SRRM1: variants seen among roughly 807,000 people sequenced by gnomAD.
SRRM1 encodes serine and arginine repetitive matrix 1.
In SRRM1, 19 loss-of-function variants were observed where a neutral mutation model predicts 110.2. The ratio of observed to expected loss-of-function variants is 0.17; its 90% CI spans 0.12 to 0.25. The LOEUF (loss-of-function observed/expected upper bound fraction) is 0.25. Among genes scored for constraint, SRRM1 ranks in the 10% least tolerant of loss-of-function variants. SRRM1 has a pLI of 1.00. For missense variants in SRRM1, 918 were observed against 1,145.8 expected (o/e 0.80, Z 2.87); for synonymous variants, 443 against 414.9 (o/e 1.07, Z -0.82).
chr1:24,661,064 T>G (rs1666993288), intron 10 of SRRM1: 1 of 531,170 alleles, frequency 1.9e-6, no homozygotes, highest in South Asian at 3.1e-5. Context: ...TAACTGTATC[T>G]GCTTGTAAAA....
In SRRM1 at chr1:24,666,842, A is replaced by G; in HGVS notation, c.1656A>G (p.Pro552=). The G allele has an allele frequency of 4.3e-6, 7 of 1,613,232 alleles. No homozygotes were observed. Among genetic ancestry groups the G allele is most frequent in the Non-Finnish European group, 5.9e-6 (7 of 1,179,622 alleles). ...GTAGACGGAGGAGAAGTCCATCCCC[A>G]CCACCCACCAGAAGGCGACGGTCTC... is the stretch of plus-strand genomic sequence containing the variant. ...PRGRRRRSPS[P]PPTRRRRSPS... is the part of the protein sequence containing the mutation. Residue 552 remains proline, a synonymous_variant, in exon 13 of 17, where the codon CCA becomes CCG. Transcript: ENST00000323848.
Position 24,655,133 on chromosome 1 carries a change from A to G in SRRM1, c.1315+4A>G. 6.2e-7 allele frequency: 1 copy of G among 1,613,470 alleles called. No individual in the cohort carries two copies. Among genetic ancestry groups the G allele is most frequent in the Non-Finnish European group, 8.5e-7 (1 of 1,179,604 alleles). ...CCAGGGAGAACTTCAGGTAAAGGTA[A>G]AAATCAAACACATATGAAACATGGT... On this transcript the variant is annotated splice_donor_region_variant and intron_variant, in intron 9 of 16. Transcript: ENST00000323848.
Position 24,652,512 on chromosome 1 carries a change from A to AAAGGAG in SRRM1, c.814_819dup (p.Glu272_Lys273dup), listed in dbSNP as rs1343250144. 5.0e-6 allele frequency: 8 copies of AAAGGAG among 1,613,200 alleles called. No individual in the cohort carries two copies. In the Admixed American group the frequency reaches 5.0e-5, roughly 10 times the overall value. ...CTCCGGAAAAAAATTCCAAAAAAGA[A>AAAGGAG]AAGGAGAAGGAGAAGACCCGACCAC... On this transcript the variant is annotated inframe_insertion, in exon 7 of 17. Transcript: ENST00000323848.
At chr1:24,667,226 G>C (rs1042760236) in intron 13 of SRRM1, among the ~76,000 whole-genome samples, 7 of 152,202 alleles carry the variant, frequency 4.6e-5, no homozygotes, top group Admixed American at 2.0e-4. Flanking sequence ...AAACAGATTA[G>C]GGTGGGGTGG....
In SRRM1 at chr1:24,660,724, A is replaced by G. The variant is rs751376630; in HGVS notation, c.1321A>G (p.Lys441Glu). Residue 441 changes from lysine to glutamate, a missense_variant, in exon 10 of 17, where the codon AAA (lysine) becomes GAA (glutamate). Physicochemically the swap from Lys to Glu is moderately conservative, Grantham distance 56. Transcript: ENST00000323848. ...CCACTCTTATTCTTTTTTAGTGACAAAACATAAAGGTACTGAGAAAAGAGA... is the reference window on the plus strand; with the variant it reads ...CCACTCTTATTCTTTTTTAGTGACAGAACATAAAGGTACTGAGAAAAGAGA... ...SPGRTSGKVT[K>E]HKGTEKRESP... The G allele has an allele frequency of 3.2e-6, 5 of 1,553,628 alleles. No homozygotes were observed. The highest frequency in any genetic ancestry group is 2.3e-5 in the East Asian group (1 of 43,244).
chr1:24,645,673 A>T (rs1241662566), intron 1 of SRRM1, among the ~76,000 whole-genome samples: 1 of 152,356 alleles, frequency 6.6e-6, no homozygotes, highest in South Asian at 2.1e-4. Flanking sequence ...CTACGTATCT[A>T]TTAGCATAGG....
intron 4 of SRRM1, among the ~76,000 whole-genome samples, 199 bp from the exon 5 acceptor site, chr1:24,649,772 A>G (rs907276182): frequency 1.3e-5 from 2 of 152,182 alleles, no homozygotes; most frequent in African/African-American, 4.8e-5. Flanking sequence ...ACTTTCAGTG[A>G]ATATTTATTT....
intron 11 of SRRM1, among the ~76,000 whole-genome samples, chr1:24,662,354 G>C (rs914708543): frequency 2.6e-5 from 4 of 152,152 alleles, no homozygotes; most frequent in African/African-American, 9.7e-5. Context: ...AGGCACAAGC[G>C]GTCTTTCTGC....
chr1:24,646,958 G>T (rs1371765755), intron 3 of SRRM1, 169 bp downstream of exon 3: 7 of 502,262 alleles, frequency 1.4e-5, no homozygotes, highest in Non-Finnish European at 2.3e-5. Flanking sequence ...TTTAGTGAAG[G>T]TGCATAGTTT....
At chr1:24,672,115 C>T in intron 16 of SRRM1, 67 bp from the exon 17 acceptor site, 1 of 1,241,118 alleles carries the variant, frequency 8.1e-7, no homozygotes, top group Non-Finnish European at 1.1e-6. Context: ...CACTTTGATT[C>T]TGCTCTTTAC....
At chr1:24,663,887 T>C (rs1047581496) in intron 12 of SRRM1, among the ~76,000 whole-genome samples, 1 of 84,058 alleles carries the variant, frequency 1.2e-5, no homozygotes, top group African/African-American at 7.4e-5. Flanking sequence ...AAAATAATAA[T>C]AATAATAATA....
chr1:24,661,906 C>T (rs539258831), intron 11 of SRRM1, among the ~76,000 whole-genome samples: 5 of 152,004 alleles, frequency 3.3e-5, no homozygotes, highest in African/African-American at 1.2e-4. Flanking sequence ...GCCAATAGGG[C>T]GAAACCCCAT....
intron 9 of SRRM1, 82 bp from the exon 10 acceptor site, chr1:24,660,637 A>C: frequency 1.6e-6 from 1 of 626,298 alleles, no homozygotes; most frequent in Non-Finnish European, 2.6e-6. Context: ...AATAATAATA[A>C]ATTTTTAAAA....
At chr1:24,647,586 A>G (rs1052686945) in intron 3 of SRRM1, 11 of 152,662 alleles carry the variant, frequency 7.2e-5, no homozygotes, top group African/African-American at 2.7e-4. Context: ...CAGTTAAGAT[A>G]TGTACCATAT....
intron 1 of SRRM1, 38 bp from the exon 2 acceptor site, chr1:24,645,945 CT>C: frequency 6.4e-7 from 1 of 1,558,246 alleles, no homozygotes; most frequent in Non-Finnish European, 8.8e-7. Flanking sequence ...AAGGATTTAA[CT>C]TTGAACCCTT....
chr1:24,669,589 TA>T lies in SRRM1; in HGVS notation c.2204+7del, dbSNP rs1557749610. On this transcript the variant is annotated splice_donor_region_variant and intron_variant, in intron 14 of 16. Coordinates refer to ENST00000323848, the MANE Select transcript of SRRM1 (RefSeq NM_005839.4). ...TCCGGAACCTAAAAAGATAAAAAAG[TA>T]AAAATATTTTATGCTTTTCCATTAG... is the stretch of plus-strand genomic sequence containing the variant. 1 of 1,538,358 alleles carries T rather than the reference TA, an allele frequency of 6.5e-7. No individual in the cohort carries two copies. The highest frequency in any genetic ancestry group is 2.4e-5 in the East Asian group (1 of 41,010).
chr1:24,644,998 A>G (rs1557641881), intron 1 of SRRM1, among the ~76,000 whole-genome samples: 1 of 152,194 alleles, frequency 6.6e-6, no homozygotes, highest in Non-Finnish European at 1.5e-5. Flanking sequence ...CCAAGTTAAA[A>G]TATTTTAGGG....
At chr1:24,665,286 G>A (rs979541672) in intron 12 of SRRM1, among the ~76,000 whole-genome samples, 3 of 152,172 alleles carry the variant, frequency 2.0e-5, no homozygotes, top group East Asian at 1.9e-4. Context: ...AAAGTTAGCC[G>A]GGCGTGGTGG....
Position 24,662,803 on chromosome 1 carries a change from C to G in SRRM1, c.1627C>G (p.Arg543Gly). The G allele has an allele frequency of 6.2e-7, 1 of 1,614,062 alleles. No homozygotes were observed. The highest frequency in any genetic ancestry group is 2.2e-5 in the East Asian group (1 of 44,878). ...PRKRQKETSP[R>G]GRRRRSPSPP... ...AAAGCGCCAAAAAGAGACTTCCCCT[C>G]GGTAACATCTTTGCTTCAGTGATGT... The change falls in exon 12 of 17, where the codon CGT becomes GGT. Residue 543 changes from arginine (R) to glycine (G), a missense_variant and splice_region_variant. This residue lies in a region of SRRM1 where 357 missense variants were observed against 402.9 expected (regional missense o/e 0.89). Coordinates refer to ENST00000323848, the MANE Select transcript of SRRM1 (RefSeq NM_005839.4).
Sources: allele counts gnomAD v4.1 joint callset (sites outside exome capture counted in the v4.1 genomes callset), GRCh38; gene constraint gnomAD v4.1.1; regional missense constraint gnomAD v4.1.1; transcripts MANE v1.5; gene names NCBI Gene and HGNC (gene_info 2026-07-23, HGNC 2026-07-21).